The following ADARB2 variants were observed in gnomAD, a reference collection of about 807,000 sequenced individuals.
The protein encoded by ADARB2 is inactive double-stranded RNA-specific editase B2.
In ADARB2, 25 loss-of-function variants were observed where a neutral mutation model predicts 62.2. The ratio of observed to expected loss-of-function variants is 0.40; its 90% CI spans 0.29 to 0.56. The LOEUF is 0.56. ADARB2 is among the 20% of genes least tolerant of loss of function. The probability of loss-of-function intolerance (pLI) is 0.43; values close to 1 mark genes in which losing one functional copy is unlikely to be tolerated. For missense variants in ADARB2, 1,071 were observed against 1,077.4 expected, an observed-to-expected ratio of 0.99 and a Z score of 0.08; for synonymous variants, 572 against 500.8, an observed-to-expected ratio of 1.14 and a Z score of -1.90.
intron 1 of ADARB2, among the ~76,000 whole-genome samples, chr10:1,474,971 G>A (rs1831379725): frequency 2.0e-5 from 3 of 152,172 alleles, no homozygotes; most frequent in African/African-American, 7.2e-5. Flanking sequence ...TGGAGGGAGA[G>A]CTGCCTGTGA....
At chr10:1,588,444 T>A (rs1017242837) in intron 1 of ADARB2, among the ~76,000 whole-genome samples, 3 of 152,198 alleles carry the variant, frequency 2.0e-5, no homozygotes, top group Non-Finnish European at 4.4e-5. Flanking sequence ...GGGAATTTAA[T>A]GTGCAGATTG....
chr10:1,268,491 C>T (rs1438564419), intron 4 of ADARB2, among the ~76,000 whole-genome samples: 3 of 152,236 alleles, frequency 2.0e-5, no homozygotes, highest in Middle Eastern at 3.4e-3. Flanking sequence ...ACAGGAGGGG[C>T]AAATCAAATT....
intron 1 of ADARB2, among the ~76,000 whole-genome samples, chr10:1,599,780 GC>G (rs1833384287): frequency 6.6e-6 from 1 of 152,050 alleles, no homozygotes; most frequent in South Asian, 2.1e-4. Flanking sequence ...CTGCTCTGTT[GC>G]CGAGGCTGGA....
At chr10:1,614,737 C>A (rs1323898120) in intron 1 of ADARB2, among the ~76,000 whole-genome samples, 2 of 152,150 alleles carry the variant, frequency 1.3e-5, no homozygotes, top group Non-Finnish European at 2.9e-5. Flanking sequence ...CGGTGAAACC[C>A]CGTCTCTACT....
intron 1 of ADARB2, among the ~76,000 whole-genome samples, chr10:1,611,183 A>C (rs1053650749): frequency 6.6e-6 from 1 of 152,154 alleles, no homozygotes; most frequent in Non-Finnish European, 1.5e-5. Context: ...TCACAGGCTG[A>C]GGGCTGGGGG....
At chr10:1,686,121 C>T (rs149361187) in intron 1 of ADARB2, among the ~76,000 whole-genome samples, 203 of 152,344 alleles carry the variant, frequency 1.3e-3, no homozygotes, top group African/African-American at 4.6e-3. Flanking sequence ...TTTTCACCTG[C>T]TTCTTCAAAA....
rs138602447 is a variant in ADARB2 at position 1,327,481 on chromosome 10, T to C, written c.1077+35547A>G. 1.9e-3 allele frequency among the ~76,000 whole-genome samples: 31 copies of C among 16,748 alleles called. 1 individual carries two copies. Among genetic ancestry groups the C allele is most frequent in the South Asian group, 0.012 (3 of 256 alleles). 11.0% of individuals were successfully genotyped at this position (16,748 alleles called of 152,430 possible). A position where few individuals can be genotyped will look rare whatever the true frequency, so the allele number is the denominator to read the frequency against. Reference sequence around the variant, plus strand: ...CGCCTCCTCACTGCACAGCGCCTCCTCACTGCACAGCGCCTCCTCACTGCC... The same window carrying C: ...CGCCTCCTCACTGCACAGCGCCTCCCCACTGCACAGCGCCTCCTCACTGCC... On this transcript the variant is annotated intron_variant, in intron 3 of 9. Coordinates refer to ENST00000381312, the MANE Select transcript of ADARB2 (RefSeq NM_018702.4).
chr10:1,409,268 C>T (rs1442755507), intron 1 of ADARB2, among the ~76,000 whole-genome samples: 2 of 152,092 alleles, frequency 1.3e-5, no homozygotes, highest in Non-Finnish European at 2.9e-5. Context: ...GTCGCCCCGC[C>T]CTGCCTGACG....
At position 1,643,732 on chromosome 10, in the gene ADARB2, C is replaced by T. The variant is rs573789087; in HGVS notation, c.100+93319G>A. On this transcript the variant is annotated intron_variant, in intron 1 of 9. Coordinates refer to ENST00000381312, the MANE Select transcript of ADARB2 (RefSeq NM_018702.4). ...TCCCTTCCAGCCTCCGCATGCAGCT[C>T]CAAAATCAAGTTTTTTTCTTTTTTT... is the stretch of plus-strand genomic sequence containing the variant. 4.6e-5 allele frequency among the ~76,000 whole-genome samples: 7 copies of T among 152,304 alleles called. No homozygotes were observed. In the South Asian group the frequency reaches 1.5e-3, roughly 32 times the overall value.
chr10:1,411,602 G>C (rs982870689), intron 1 of ADARB2, among the ~76,000 whole-genome samples: 2 of 152,194 alleles, frequency 1.3e-5, no homozygotes, highest in African/African-American at 4.8e-5. Context: ...CACAGATGTG[G>C]TCCTGGGTGG....
intron 3 of ADARB2, among the ~76,000 whole-genome samples, chr10:1,356,546 C>T (rs539629788): frequency 3.9e-5 from 6 of 152,288 alleles, no homozygotes; most frequent in African/African-American, 1.4e-4. Flanking sequence ...ACTGAAGCCT[C>T]CCAGGGCACT....
At chr10:1,455,362 T>C (rs1449333768) in intron 1 of ADARB2, among the ~76,000 whole-genome samples, 2 of 152,162 alleles carry the variant, frequency 1.3e-5, no homozygotes, top group East Asian at 3.8e-4. Flanking sequence ...AATTAGGAAA[T>C]ACAGACTTCC....
intron 6 of ADARB2, among the ~76,000 whole-genome samples, chr10:1,221,454 A>C (rs1292378730): frequency 6.6e-6 from 1 of 150,866 alleles, no homozygotes; most frequent in East Asian, 2.0e-4. Flanking sequence ...TTTAGGGTAC[A>C]TGTGCACAAC....
chr10:1,608,052 C>T (rs1473030933), intron 1 of ADARB2, among the ~76,000 whole-genome samples: 1 of 152,188 alleles, frequency 6.6e-6, no homozygotes, highest in Non-Finnish European at 1.5e-5. Context: ...ACGTAGGTTT[C>T]AGGGGGATTC....
intron 1 of ADARB2, among the ~76,000 whole-genome samples, chr10:1,658,062 CTCTCTGTG>C (rs1157303936): frequency 4.0e-5 from 6 of 151,438 alleles, no homozygotes; most frequent in Admixed American, 6.6e-5. Flanking sequence ...TCTACTGTCT[CTCTCTGTG>C]TCTCTGTGTC....
rs1215127358 is a variant in ADARB2 at position 1,477,026 on chromosome 10, T to TC, written c.101-97867dup. On this transcript the variant is annotated intron_variant, in intron 1 of 9. Transcript: ENST00000381312. The surrounding 1 kb of genome is among the most constrained non-coding windows in gnomAD (Gnocchi z 4.5). ...ACCTTGTGGCAAATCATGATGACTC[T>TC]CCCCAGATCCCCACCTGGCCTACGA... Among the ~76,000 whole-genome samples the TC allele has an allele frequency of 6.6e-6, 1 of 151,942 alleles. No individual in the cohort carries two copies. The highest frequency in any genetic ancestry group is 1.5e-5 in the Non-Finnish European group (1 of 67,982).
intron 1 of ADARB2, among the ~76,000 whole-genome samples, chr10:1,696,285 C>T (rs544814853): frequency 4.0e-5 from 6 of 151,874 alleles, no homozygotes; most frequent in South Asian, 2.1e-4. Context: ...TGTGTATGCA[C>T]GTGTGTTGTG....
rs919757770 is a variant in ADARB2, at chr10:1,398,604, G to A, written c.101-19444C>T. On this transcript the variant is annotated intron_variant, in intron 1 of 9. Transcript: ENST00000381312. This position sits in a 1 kb window ranked among gnomAD's most constrained non-coding sequence, Gnocchi z 4.1. ...TGCGGAGGTAAGACAACTCAAAAACGTGTATTTGCCGTTTCTTTCTTTGAG... is the reference window on the plus strand; with the variant it reads ...TGCGGAGGTAAGACAACTCAAAAACATGTATTTGCCGTTTCTTTCTTTGAG... Among the ~76,000 whole-genome samples the A allele has an allele frequency of 1.3e-5, 2 of 152,204 alleles. No homozygotes were observed. Among genetic ancestry groups the A allele is most frequent in the South Asian group, 2.1e-4 (1 of 4,828 alleles).
intron 1 of ADARB2, among the ~76,000 whole-genome samples, chr10:1,583,671 T>G (rs1790965917): frequency 1.3e-5 from 2 of 152,256 alleles, no homozygotes; most frequent in Non-Finnish European, 2.9e-5. Flanking sequence ...ACTTGATTTG[T>G]AGATTCAATA....
Sources: gnomAD v4.1 joint callset for allele counts (sites outside exome capture counted in the v4.1 genomes callset) on GRCh38, gnomAD v4.1.1 for gene constraint, Gnocchi (gnomAD v3.1) non-coding constraint, MANE v1.5 for transcripts, NCBI Gene and HGNC (gene_info 2026-07-23, HGNC 2026-07-21) for gene names.